Variants in DHRS7B observed in about 807,000 individuals in gnomAD.
DHRS7B encodes the protein peroxisomal reductase activating PPAR-gamma.
Under a neutral mutation model 26.4 loss-of-function variants are expected in DHRS7B, and 24 were observed. The observed-to-expected ratio is 0.91, with a 90% CI of 0.66 to 1.28. The LOEUF (loss-of-function observed/expected upper bound fraction) is 1.28. Ranked by LOEUF, DHRS7B falls within the 50% of genes most tolerant of loss-of-function variation. The pLI is 0.00. For synonymous variants in DHRS7B, 142 were observed against 166.4 expected (o/e 0.85, Z 1.13); for missense variants, 368 against 419.4 (o/e 0.88, Z 1.07).
intron 1 of DHRS7B, among the ~76,000 whole-genome samples, chr17:21,151,375 G>A (rs1419765019): frequency 5.3e-5 from 8 of 151,986 alleles, no homozygotes; most frequent in African/African-American, 9.7e-5. Context: ...TTAGCTGGGC[G>A]TGTTGGCAGG....
intron 1 of DHRS7B, among the ~76,000 whole-genome samples, chr17:21,164,040 T>C (rs997675491): frequency 2.8e-5 from 4 of 143,360 alleles, no homozygotes; most frequent in African/African-American, 1.1e-4. Flanking sequence ...CTTTTTTTTT[T>C]TTTTTTGAGA....
In DHRS7B at chr17:21,191,025, A is replaced by G. The variant is rs556531276; in HGVS notation, c.850A>G (p.Lys284Glu). The G allele has an allele frequency of 6.2e-7, 1 of 1,614,258 alleles. No individual in the cohort carries two copies. Among genetic ancestry groups the G allele is most frequent in the South Asian group, 1.1e-5 (1 of 91,086 alleles). The change falls in exon 7 of 7, where the codon AAG (lysine) becomes GAG (glutamate). Residue 284 changes from lysine to glutamate, a missense_variant. Lys to Glu is a moderately conservative substitution (Grantham distance 56). Transcript: ENST00000395511. ...TGTTCTTGCTGCTGTGGGGAAGAAG[A>G]AGAAAGATGTGATCCTGGCTGACTT... is the stretch of plus-strand genomic sequence containing the variant. ...QDVLAAVGKK[K>E]KDVILADLLP... is the part of the protein sequence containing the mutation.
At chr17:21,176,611 A>G (rs1334884559) in intron 2 of DHRS7B, among the ~76,000 whole-genome samples, 1 of 151,916 alleles carries the variant, frequency 6.6e-6, no homozygotes, top group Non-Finnish European at 1.5e-5. Flanking sequence ...TAAAAAAAAT[A>G]TTTTTAATAA....
intron 3 of DHRS7B, among the ~76,000 whole-genome samples, chr17:21,183,281 G>T (rs1974553697): frequency 6.6e-6 from 1 of 151,778 alleles, no homozygotes; most frequent in Admixed American, 6.6e-5. Flanking sequence ...TCTGATTTTA[G>T]TTATTTGTGT....
In DHRS7B at chr17:21,190,979, C is replaced by G. The variant is rs750105193; in HGVS notation, c.804C>G (p.Ser268Arg). The G allele has an allele frequency of 6.2e-7, 1 of 1,614,262 alleles. No homozygotes were observed. Among genetic ancestry groups the G allele is most frequent in the Non-Finnish European group, 8.5e-7 (1 of 1,180,046 alleles). The change falls in exon 7 of 7, where the codon AGC (serine) becomes AGG (arginine). Residue 268 changes from serine to arginine, a missense_variant. Ser to Arg is a moderately radical substitution (Grantham distance 110). Transcript: ENST00000395511. The stretch of plus-strand genomic sequence containing the variant: ...ACACCACCACAGCCCAGGGCCGAAG[C>G]CCTGTGGAGGTGGCCCAGGATGTTC... ...VMDTTTAQGR[S>R]PVEVAQDVLA...
At chr17:21,137,657 A>G (rs949705743) in intron 1 of DHRS7B, among the ~76,000 whole-genome samples, 2 of 152,118 alleles carry the variant, frequency 1.3e-5, no homozygotes, top group African/African-American at 2.4e-5. Flanking sequence ...GGGTTTCTCC[A>G]TGTTGGTCAG....
intron 5 of DHRS7B, among the ~76,000 whole-genome samples, chr17:21,184,957 T>G (rs1279145350): frequency 6.6e-6 from 1 of 152,232 alleles, no homozygotes; most frequent in African/African-American, 2.4e-5. Context: ...TAATGTATCT[T>G]TCTACATCAG....
chr17:21,190,729 G>A (rs1268105164), intron 6 of DHRS7B, among the ~76,000 whole-genome samples: 1 of 152,148 alleles, frequency 6.6e-6, no homozygotes, highest in African/African-American at 2.4e-5. Context: ...CCCACCTCTC[G>A]CTTCCCCCAC....
At chr17:21,161,546 A>G (rs1284216934) in intron 1 of DHRS7B, among the ~76,000 whole-genome samples, 1 of 152,232 alleles carries the variant, frequency 6.6e-6, no homozygotes, top group African/African-American at 2.4e-5. Context: ...TGCTGTATTA[A>G]AGGAAGTCCT....
chr17:21,161,041 T>C (rs1176464486), intron 1 of DHRS7B, among the ~76,000 whole-genome samples: 1 of 152,090 alleles, frequency 6.6e-6, no homozygotes, highest in Non-Finnish European at 1.5e-5. Context: ...GGTTCATGGG[T>C]TGGGGAGGAG....
At chr17:21,145,653 C>T (rs1451492367) in intron 1 of DHRS7B, among the ~76,000 whole-genome samples, 2 of 152,178 alleles carry the variant, frequency 1.3e-5, no homozygotes, top group African/African-American at 4.8e-5. Flanking sequence ...AAGTCATATG[C>T]ATGTAGAAAC....
intron 1 of DHRS7B, among the ~76,000 whole-genome samples, chr17:21,150,115 A>AC (rs1177323835): frequency 6.8e-6 from 1 of 146,564 alleles, no homozygotes; most frequent in East Asian, 2.0e-4. Flanking sequence ...TAAAAAAAAA[A>AC]AAAAAAAAAA....
At chr17:21,174,755 G>A (rs1272247052) in intron 2 of DHRS7B, among the ~76,000 whole-genome samples, 2 of 152,202 alleles carry the variant, frequency 1.3e-5, no homozygotes, top group Non-Finnish European at 2.9e-5. Context: ...TATTGGTCAG[G>A]ACAAGACAAA....
Position 21,191,102 on chromosome 17 carries a change from C to T in DHRS7B, c.927C>T (p.Phe309=), listed in dbSNP as rs759857847. Reference sequence around the variant, plus strand: ...GAACTCTGGCTCCTGGGCTCTTCTTCAGCCTCATGGCCTCCAGGGCCAGAA... The same window carrying T: ...GAACTCTGGCTCCTGGGCTCTTCTTTAGCCTCATGGCCTCCAGGGCCAGAA... ...YLRTLAPGLF[F]SLMASRARKE... is the part of the protein sequence containing the mutation. Residue 309 remains phenylalanine, a synonymous_variant, in exon 7 of 7, where the codon TTC becomes TTT. Coordinates refer to ENST00000395511, the MANE Select transcript of DHRS7B (RefSeq NM_015510.5). 6 of 1,614,120 alleles carry T rather than the reference C, an allele frequency of 3.7e-6. No individual in the cohort carries two copies. Among genetic ancestry groups the T allele is most frequent in the South Asian group, 3.3e-5 (3 of 91,076 alleles).
intron 1 of DHRS7B, among the ~76,000 whole-genome samples, chr17:21,162,287 A>G (rs1974016779): frequency 6.6e-6 from 1 of 152,166 alleles, no homozygotes; most frequent in South Asian, 2.1e-4. Context: ...TTTTAGTGAT[A>G]TTTTGCTGAG....
intron 2 of DHRS7B, among the ~76,000 whole-genome samples, chr17:21,172,733 A>C (rs1974288420): frequency 6.6e-6 from 1 of 152,176 alleles, no homozygotes; most frequent in African/African-American, 2.4e-5. Flanking sequence ...AAAGACAGAT[A>C]AATGGTGCCT....
intron 5 of DHRS7B, among the ~76,000 whole-genome samples, chr17:21,186,182 C>T (rs1974630586): frequency 1.3e-5 from 2 of 152,186 alleles, no homozygotes; most frequent in Non-Finnish European, 2.9e-5. Context: ...GGCCTTCTCA[C>T]CTATAAAATG....
Position 21,141,640 on chromosome 17 carries a change from A to AAAAAAAAACAAG in DHRS7B, c.20+14649_20+14650insAAAAAAAACAAG. ...AAAGCAAAAAAAAAAAAAAAAAAAA[A>AAAAAAAAACAAG]CAACCTCATCTCAAACTCCACAAAG... is the stretch of plus-strand genomic sequence containing the variant. On this transcript the variant is annotated intron_variant, in intron 1 of 6. Coordinates refer to ENST00000395511, the MANE Select transcript of DHRS7B (RefSeq NM_015510.5). Among the ~76,000 whole-genome samples the AAAAAAAAACAAG allele has an allele frequency of 2.2e-5, 2 of 90,078 alleles. 1 individual carries two copies. Among genetic ancestry groups the AAAAAAAAACAAG allele is most frequent in the Non-Finnish European group, 4.1e-5 (2 of 48,492 alleles). The allele number at this position is 90,078 out of a possible 152,430, so 59.1% of individuals were successfully genotyped here.
chr17:21,155,985 C>A (rs1973870022), intron 1 of DHRS7B, among the ~76,000 whole-genome samples: 2 of 152,032 alleles, frequency 1.3e-5, no homozygotes, highest in Non-Finnish European at 2.9e-5. Context: ...AAATTTATAG[C>A]ATTGAATGTA....
Sources: allele counts gnomAD v4.1 joint callset (sites outside exome capture counted in the v4.1 genomes callset), GRCh38; gene constraint gnomAD v4.1.1; transcripts MANE v1.5; gene names NCBI Gene and HGNC (gene_info 2026-07-23, HGNC 2026-07-21).